The following RALGPS2 variants were observed in gnomAD, a reference collection of about 807,000 sequenced individuals.
RALGPS2 encodes ras-specific guanine nucleotide-releasing factor RalGPS2.
In RALGPS2, 43 loss-of-function variants were observed where a neutral mutation model predicts 86.8. That is an observed-to-expected ratio of 0.50 (90% confidence interval 0.39 to 0.64). The LOEUF (loss-of-function observed/expected upper bound fraction) is 0.64. Ranked by LOEUF, RALGPS2 falls within the 30% of genes least tolerant of loss-of-function variation. RALGPS2 has a pLI of 0.00. For synonymous variants in RALGPS2, 243 were observed against 231.3 expected (o/e 1.05, Z -0.46); for missense variants, 536 against 694.6 (o/e 0.77, Z 2.57).
intron 14 of RALGPS2, among the ~76,000 whole-genome samples, chr1:178,891,102 C>A (rs887135679): frequency 6.6e-6 from 1 of 152,006 alleles, no homozygotes; most frequent in African/African-American, 2.4e-5. Context: ...CTCATCCCAG[C>A]AGGTTACTTA....
At position 178,841,234 on chromosome 1, in the gene RALGPS2, T is replaced by G. The variant is rs868209078; in HGVS notation, c.607+7684T>G. ...TTAGACCAATATCCTTGATGAACAT[T>G]GATGCAAAAATCCTCAATAAAATAC... is the stretch of plus-strand genomic sequence containing the variant. On this transcript the variant is annotated intron_variant, in intron 8 of 19. Coordinates refer to ENST00000367635, the MANE Select transcript of RALGPS2 (RefSeq NM_152663.5). Among the ~76,000 whole-genome samples the G allele has an allele frequency of 9.6e-3, 1,457 of 151,686 alleles. 13 individuals are homozygous for G. The highest frequency in any genetic ancestry group is 0.033 in the African/African-American group (1,376 of 41,362).
intron 8 of RALGPS2, among the ~76,000 whole-genome samples, chr1:178,868,374 G>A (rs1658548030): frequency 6.6e-6 from 1 of 151,736 alleles, no homozygotes. Context: ...ACTTACCACT[G>A]CTAAAGTCCA....
chr1:178,768,885 G>A (rs1350719901), intron 1 of RALGPS2, among the ~76,000 whole-genome samples: 2 of 152,198 alleles, frequency 1.3e-5, no homozygotes, highest in Non-Finnish European at 2.9e-5. Context: ...CCAGGAGAGT[G>A]GGTGCTCCAG....
intron 4 of RALGPS2, among the ~76,000 whole-genome samples, chr1:178,807,838 G>C (rs777745086): frequency 6.6e-6 from 1 of 152,086 alleles, no homozygotes; most frequent in Non-Finnish European, 1.5e-5. Context: ...ATTTGCCTAT[G>C]TTTTCATAGT....
intron 4 of RALGPS2, among the ~76,000 whole-genome samples, chr1:178,791,037 T>C (rs1653925924): frequency 6.6e-6 from 1 of 152,200 alleles, no homozygotes; most frequent in African/African-American, 2.4e-5. Flanking sequence ...TATATCAATA[T>C]TCAGGTCTCT....
Position 178,871,870 on chromosome 1 carries a change from C to T in RALGPS2, c.608-5628C>T, listed in dbSNP as rs568230552. 3.3e-5 allele frequency among the ~76,000 whole-genome samples: 5 copies of T among 152,338 alleles called. No individual in the cohort carries two copies. The East Asian group carries it at 9.6e-4, about 29-fold the overall frequency. ...AACTTAGACAAATCACTTTACCTGCCTCTGGCAAGGTTCTTCTGCTATGAA... is the reference window on the plus strand; with the variant it reads ...AACTTAGACAAATCACTTTACCTGCTTCTGGCAAGGTTCTTCTGCTATGAA... On this transcript the variant is annotated intron_variant, in intron 8 of 19. Transcript: ENST00000367635.
intron 4 of RALGPS2, among the ~76,000 whole-genome samples, chr1:178,800,168 T>C (rs747324449): frequency 2.0e-5 from 3 of 152,134 alleles, no homozygotes; most frequent in Non-Finnish European, 2.9e-5. Flanking sequence ...AGAAAACAAA[T>C]TGACATTAGA....
rs189963096 is a variant in RALGPS2, at chr1:178,890,123, G to A, written c.1247+427G>A. On this transcript the variant is annotated intron_variant, in intron 14 of 19. Transcript: ENST00000367635. ...ATAAATTTTAAATTATACAAGTAAA[G>A]CAAGTTAAGGTTAGAATTTAAATGG... Among the ~76,000 whole-genome samples the A allele has an allele frequency of 7.9e-5, 12 of 151,984 alleles. No homozygotes were observed. The East Asian group carries it at 2.3e-3, about 29-fold the overall frequency.
intron 7 of RALGPS2, among the ~76,000 whole-genome samples, chr1:178,828,865 T>G (rs1655882059): frequency 6.6e-6 from 1 of 152,130 alleles, no homozygotes; most frequent in Non-Finnish European, 1.5e-5. Context: ...AGTATGGAGA[T>G]TCCCCCAAAA....
chr1:178,798,373 T>C (rs1245830245), intron 4 of RALGPS2, among the ~76,000 whole-genome samples: 1 of 152,230 alleles, frequency 6.6e-6, no homozygotes, highest in Non-Finnish European at 1.5e-5. Context: ...CATGAGCAGT[T>C]CCTGTCTCCA....
chr1:178,783,444 T>C (rs1048153692), intron 2 of RALGPS2, among the ~76,000 whole-genome samples: 1 of 152,088 alleles, frequency 6.6e-6, no homozygotes, highest in Non-Finnish European at 1.5e-5. Flanking sequence ...AGAAGAAATA[T>C]TTGAAGTAAT....
intron 8 of RALGPS2, chr1:178,869,329 T>C (rs1658606360): frequency 6.6e-6 from 1 of 152,052 alleles, no homozygotes; most frequent in Non-Finnish European, 1.5e-5. Context: ...CATGAGGCAA[T>C]GAAGTTAAAT....
At chr1:178,873,056 G>C (rs557177194) in intron 8 of RALGPS2, among the ~76,000 whole-genome samples, 1 of 152,082 alleles carries the variant, frequency 6.6e-6, no homozygotes, top group Non-Finnish European at 1.5e-5. Flanking sequence ...GGGAAGATAC[G>C]AAAGTTCAAG....
Position 178,790,311 on chromosome 1 carries a change from A to G in RALGPS2, c.213+4704A>G, listed in dbSNP as rs116460955. ...TAAGAGTGTATTAAATCTGGCCAGTATAAAAAGGCCTTTGTTATCTGGCAG... is the reference window on the plus strand; with the variant it reads ...TAAGAGTGTATTAAATCTGGCCAGTGTAAAAAGGCCTTTGTTATCTGGCAG... On this transcript the variant is annotated intron_variant, in intron 4 of 19. Coordinates refer to ENST00000367635, the MANE Select transcript of RALGPS2 (RefSeq NM_152663.5). Among the ~76,000 whole-genome samples the G allele has an allele frequency of 8.1e-3, 1,233 of 152,300 alleles. 12 individuals carry two copies. The highest frequency in any genetic ancestry group is 0.028 in the African/African-American group (1,163 of 41,568).
intron 6 of RALGPS2, among the ~76,000 whole-genome samples, chr1:178,811,974 G>C (rs1020757140): frequency 6.6e-6 from 1 of 152,170 alleles, no homozygotes; most frequent in African/African-American, 2.4e-5. Context: ...ATTAAAACTT[G>C]TAACAACTCT....
intron 19 of RALGPS2, among the ~76,000 whole-genome samples, chr1:178,915,530 C>T (rs189498642): frequency 7.9e-5 from 12 of 152,324 alleles, no homozygotes; most frequent in East Asian, 3.9e-4. Flanking sequence ...CCACCGCACC[C>T]GGCCAAATAT....
intron 8 of RALGPS2, among the ~76,000 whole-genome samples, chr1:178,845,496 G>C (rs979987883): frequency 9.9e-5 from 15 of 152,056 alleles, no homozygotes; most frequent in African/African-American, 3.4e-4. Flanking sequence ...ATTTGTCTTG[G>C]TTTAAGGGTT....
chr1:178,882,404 G>A (rs1659293284), intron 10 of RALGPS2, among the ~76,000 whole-genome samples: 1 of 152,160 alleles, frequency 6.6e-6, no homozygotes, highest in Admixed American at 6.5e-5. Context: ...TCACATGAAT[G>A]AATGCAGTAT....
intron 8 of RALGPS2, among the ~76,000 whole-genome samples, chr1:178,843,686 A>G (rs1656723496): frequency 6.6e-6 from 1 of 151,922 alleles, no homozygotes; most frequent in African/African-American, 2.4e-5. Flanking sequence ...GAAACCAAAA[A>G]GGGAAAAAAA....
Sources: allele counts gnomAD v4.1 joint callset (sites outside exome capture counted in the v4.1 genomes callset), GRCh38; gene constraint gnomAD v4.1.1; transcripts MANE v1.5; gene names NCBI Gene and HGNC (gene_info 2026-07-23, HGNC 2026-07-21).